SRBD1: variants seen among roughly 807,000 people sequenced by gnomAD.
The protein encoded by SRBD1 is S1 RNA-binding domain-containing protein 1.
In SRBD1, 88 loss-of-function variants were observed where a neutral mutation model predicts 115.3. The ratio of observed to expected loss-of-function variants is 0.76; its 90% CI spans 0.64 to 0.91. The LOEUF (loss-of-function observed/expected upper bound fraction) is 0.91, where lower values mean the gene tolerates loss of function less well. SRBD1 is among the 40% of genes least tolerant of loss of function. The pLI is 0.00. For missense variants in SRBD1, 1,385 were observed against 1,177.4 expected (o/e 1.18, Z -2.58); for synonymous variants, 509 against 407.7 (o/e 1.25, Z -2.99).
At chr2:45,480,229 T>C (rs1054340583) in intron 15 of SRBD1, among the ~76,000 whole-genome samples, 29 of 152,338 alleles carry the variant, frequency 1.9e-4, no homozygotes, top group Admixed American at 7.2e-4. Flanking sequence ...AGGAGTAATT[T>C]TGACTTTCAA....
In SRBD1 at chr2:45,418,354, C is replaced by G. The variant is rs1667892825; in HGVS notation, c.2333+11G>C. The G allele has an allele frequency of 3.7e-6, 6 of 1,612,888 alleles. No homozygotes were observed. The South Asian group carries it at 5.5e-5, about 15-fold the overall frequency. ...GTTGACAATAGAATCAAAGTGTATACTTATACTCACCTGCAAAACGTTCGG... is the reference window on the plus strand; with the variant it reads ...GTTGACAATAGAATCAAAGTGTATAGTTATACTCACCTGCAAAACGTTCGG... On this transcript the variant is annotated intron_variant, in intron 18 of 20. Transcript: ENST00000263736.
intron 20 of SRBD1, among the ~76,000 whole-genome samples, chr2:45,392,446 C>A (rs1362167441): frequency 6.6e-6 from 1 of 152,194 alleles, no homozygotes; most frequent in African/African-American, 2.4e-5. Flanking sequence ...TCACCATCTA[C>A]CTGTGCTGAA....
At chr2:45,585,019 G>A (rs1032396228) in intron 5 of SRBD1, among the ~76,000 whole-genome samples, 3 of 151,988 alleles carry the variant, frequency 2.0e-5, no homozygotes, top group Non-Finnish European at 2.9e-5. Context: ...GCGTGGTGGC[G>A]CATTCCTGTA....
chr2:45,546,638 G>T, intron 14 of SRBD1, 94 bp downstream of exon 14: 1 of 1,231,604 alleles, frequency 8.1e-7, no homozygotes, highest in Non-Finnish European at 1.2e-6. Flanking sequence ...CAAAGAAGAT[G>T]TACATCTTAA....
At chr2:45,544,121 T>A (rs932928864) in intron 14 of SRBD1, among the ~76,000 whole-genome samples, 7 of 151,002 alleles carry the variant, frequency 4.6e-5, no homozygotes, top group African/African-American at 1.7e-4. Flanking sequence ...TAGTCCCAGC[T>A]ACTCGGGAGG....
At position 45,415,796 on chromosome 2, in the gene SRBD1, G is replaced by C. The variant is rs562147017; in HGVS notation, c.2334-2503C>G. Among the ~76,000 whole-genome samples, 70 of 122,898 alleles carry C rather than the reference G, an allele frequency of 5.7e-4. 2 individuals are homozygous for C. Among genetic ancestry groups the C allele is most frequent in the Non-Finnish European group, 1.0e-3 (57 of 55,500 alleles). 80.6% of individuals were successfully genotyped at this position (122,898 alleles called of 152,430 possible). A position where few individuals can be genotyped will look rare whatever the true frequency, so the allele number is the denominator to read the frequency against. The stretch of plus-strand genomic sequence containing the variant: ...GAGGAGAGGAGAGGAGAGGAGAGGA[G>C]AGGAGAGGAGAGGAGAGGAGAGGAG... On this transcript the variant is annotated intron_variant, in intron 18 of 20. Transcript: ENST00000263736.
At chr2:45,405,617 T>C (rs897168355) in intron 19 of SRBD1, among the ~76,000 whole-genome samples, 2 of 151,828 alleles carry the variant, frequency 1.3e-5, no homozygotes, top group Non-Finnish European at 2.9e-5. Context: ...GTAGAACAAG[T>C]AGAAAAAATG....
chr2:45,487,988 T>C (rs1234866788), intron 15 of SRBD1, among the ~76,000 whole-genome samples: 2 of 152,164 alleles, frequency 1.3e-5, no homozygotes, highest in Non-Finnish European at 2.9e-5. Flanking sequence ...GCATTTAATT[T>C]TGCTAAAGAC....
rs80137857 is a variant in SRBD1 at position 45,571,166 on chromosome 2, G to A, written c.1305+2041C>T. On this transcript the variant is annotated intron_variant, in intron 9 of 20. Transcript: ENST00000263736. ...AGGAAGAAAAGGCTACGGCAGAGCT[G>A]TTAATGGCCTCACTAAGTGTTGAAG... Among the ~76,000 whole-genome samples, 12 of 152,240 alleles carry A rather than the reference G, an allele frequency of 7.9e-5. No individual in the cohort carries two copies. The East Asian group carries it at 2.1e-3, about 27-fold the overall frequency.
intron 14 of SRBD1, among the ~76,000 whole-genome samples, chr2:45,532,791 G>A (rs958730020): frequency 1.4e-5 from 2 of 148,020 alleles, no homozygotes; most frequent in Non-Finnish European, 3.1e-5. Flanking sequence ...AGAATCAAAA[G>A]GTTTACCGAC....
chr2:45,521,996 G>GA (rs923650685), intron 14 of SRBD1, among the ~76,000 whole-genome samples: 18 of 136,932 alleles, frequency 1.3e-4, no homozygotes, highest in East Asian at 1.1e-3. Flanking sequence ...AAAGAAAGAA[G>GA]AAAAAAAAAA....
chr2:45,556,955 G>A (rs555001029), intron 10 of SRBD1, among the ~76,000 whole-genome samples: 3 of 152,064 alleles, frequency 2.0e-5, no homozygotes, highest in African/African-American at 7.2e-5. Context: ...TTAATATGGG[G>A]AATCCAATGT....
intron 1 of SRBD1, among the ~76,000 whole-genome samples, chr2:45,606,055 G>A (rs1674262605): frequency 6.6e-6 from 1 of 151,670 alleles, no homozygotes; most frequent in Non-Finnish European, 1.5e-5. Context: ...AGAATTGTGT[G>A]CTTAAGTATT....
At chr2:45,606,742 T>A (rs1445003903) in intron 1 of SRBD1, among the ~76,000 whole-genome samples, 1 of 152,180 alleles carries the variant, frequency 6.6e-6, no homozygotes, top group Non-Finnish European at 1.5e-5. Context: ...GCTGTTAAGA[T>A]TAATTAGCTG....
chr2:45,461,336 G>C (rs956222298), intron 16 of SRBD1, among the ~76,000 whole-genome samples: 4 of 152,118 alleles, frequency 2.6e-5, no homozygotes, highest in Admixed American at 6.5e-5. Context: ...TTAATGGTTG[G>C]TACTTGGCAC....
At chr2:45,445,790 A>G (rs751240215) in intron 16 of SRBD1, among the ~76,000 whole-genome samples, 11 of 152,168 alleles carry the variant, frequency 7.2e-5, no homozygotes, top group Non-Finnish European at 1.3e-4. Flanking sequence ...CTCAACAGAC[A>G]TTAAATTTAA....
rs1425331978 is a variant in SRBD1 at position 45,553,135 on chromosome 2, G to A, written c.1517+488C>T. Among the ~76,000 whole-genome samples, 7 of 152,096 alleles carry A rather than the reference G, an allele frequency of 4.6e-5. No individual in the cohort carries two copies. The East Asian group carries it at 1.3e-3, about 29-fold the overall frequency. ...CATCTTCTGTCCTGAAAACAATTCT[G>A]CACCTCACCTCTTTTGCAGTTTTCA... On this transcript the variant is annotated intron_variant, in intron 11 of 20. Transcript: ENST00000263736.
chr2:45,563,682 G>A (rs988733611), intron 9 of SRBD1, among the ~76,000 whole-genome samples: 1 of 151,978 alleles, frequency 6.6e-6, no homozygotes, highest in African/African-American at 2.4e-5. Flanking sequence ...GCAACTGTAT[G>A]ACAAATTAGA....
intron 16 of SRBD1, among the ~76,000 whole-genome samples, chr2:45,444,424 A>G (rs1031288893): frequency 2.0e-5 from 3 of 152,218 alleles, no homozygotes; most frequent in African/African-American, 7.2e-5. Context: ...ATGTAAAGAC[A>G]TGGAAACCTC....
Sources: gnomAD v4.1 joint callset for allele counts (sites outside exome capture counted in the v4.1 genomes callset) on GRCh38, gnomAD v4.1.1 for gene constraint, MANE v1.5 for transcripts, NCBI Gene and HGNC (gene_info 2026-07-23, HGNC 2026-07-21) for gene names.